The following CEP104 variants were observed in gnomAD, a reference collection of about 807,000 sequenced individuals.
The protein encoded by CEP104 is centrosomal protein 104, also known as centrosomal protein of 104 kDa.
CEP104 carries 84 observed loss-of-function variants against 113.3 expected under a neutral mutation model. The observed-to-expected ratio is 0.74, with a 90% CI of 0.62 to 0.89. The LOEUF is 0.89. Ranked by LOEUF, CEP104 falls within the 40% of genes least tolerant of loss-of-function variation. The probability of loss-of-function intolerance (pLI) is 0.00; values close to 1 mark genes in which losing one functional copy is unlikely to be tolerated. For missense variants in CEP104, 1,053 were observed against 1,156.6 expected, an observed-to-expected ratio of 0.91 and a Z score of 1.30; for synonymous variants, 378 against 421.7, an observed-to-expected ratio of 0.90 and a Z score of 1.27.
Position 3,847,475 on chromosome 1 carries a change from C to T in CEP104, c.426G>A (p.Gln142=). Residue 142 remains glutamine (Q), a splice_region_variant and synonymous_variant, in exon 4 of 22, where the codon CAG becomes CAA. Coordinates refer to ENST00000378230, the MANE Select transcript of CEP104 (RefSeq NM_014704.4). ...AAAGGCGAAGCTGCATGCATCTTAC[C>T]TGATTATATATGTTGTATTTGTTGA... ...NHVNKYNIYN[Q]VALVAINIIG... is the part of the protein sequence containing the mutation. 1.3e-6 allele frequency: 2 copies of T among 1,593,010 alleles called. No individual in the cohort carries two copies. The highest frequency in any genetic ancestry group is 1.7e-6 in the Non-Finnish European group (2 of 1,170,546).
chr1:3,831,407 T>C (rs963587407), intron 12 of CEP104, among the ~76,000 whole-genome samples, 185 bp from the exon 13 acceptor site: 9 of 152,192 alleles, frequency 5.9e-5, no homozygotes, highest in Admixed American at 1.3e-4. Flanking sequence ...TAACAACCAT[T>C]AGAAATGAAA....
chr1:3,845,016 G>A, intron 5 of CEP104, 33 bp from the exon 6 acceptor site: 1 of 1,545,418 alleles, frequency 6.5e-7, no homozygotes, highest in Non-Finnish European at 9.0e-7. Context: ...TAGTGTCTCA[G>A]AGAGAAAGAG....
chr1:3,845,880 G>C (rs548222020), intron 4 of CEP104, among the ~76,000 whole-genome samples: 65 of 152,172 alleles, frequency 4.3e-4, no homozygotes, highest in African/African-American at 1.6e-3. Context: ...CTGAAGTCGG[G>C]AGTTTGAGAC....
chr1:3,824,383 C>T (rs1644043123), intron 18 of CEP104, among the ~76,000 whole-genome samples: 1 of 152,304 alleles, frequency 6.6e-6, no homozygotes, highest in African/African-American at 2.4e-5. Context: ...ACCTGCCCAG[C>T]CAGGTATTTC....
intron 2 of CEP104, among the ~76,000 whole-genome samples, chr1:3,849,353 C>T (rs1644569394): frequency 6.6e-6 from 1 of 151,508 alleles, no homozygotes; most frequent in Non-Finnish European, 1.5e-5. Flanking sequence ...TCTTTGATCT[C>T]CTGGGCTCAA....
At position 3,815,080 on chromosome 1, in the gene CEP104, G is replaced by A. The variant is rs1026775846; in HGVS notation, c.*322C>T. 5.7e-5 allele frequency: 14 copies of A among 246,484 alleles called. No individual in the cohort carries two copies. Among genetic ancestry groups the A allele is most frequent in the East Asian group, 3.5e-4 (4 of 11,382 alleles). The allele number at this position is 246,484 out of a possible 1,614,324, so 15.3% of individuals were successfully genotyped here. On this transcript the variant is annotated 3_prime_UTR_variant, in exon 22 of 22. Transcript: ENST00000378230. ...GCCTGTGCTGACCGTGGCCTTGCGC[G>A]AGCGCCTCCCGGCGGTGCTCTCTGG...
intron 2 of CEP104, among the ~76,000 whole-genome samples, 186 bp downstream of exon 2, chr1:3,852,109 G>A (rs1644622259): frequency 6.6e-6 from 1 of 152,218 alleles, no homozygotes; most frequent in Non-Finnish European, 1.5e-5. Flanking sequence ...ATAAGGGAAA[G>A]AGGGTCAACA....
intron 6 of CEP104, among the ~76,000 whole-genome samples, 176 bp from the exon 7 acceptor site, chr1:3,839,952 T>C (rs978537760): frequency 6.6e-6 from 1 of 152,138 alleles, no homozygotes; most frequent in Non-Finnish European, 1.5e-5. Flanking sequence ...ACAAAGCTCT[T>C]AATTGCAAGC....
In CEP104 at chr1:3,816,381, G is replaced by A. The variant is rs1643881021; in HGVS notation, c.2572-11C>T. The A allele has an allele frequency of 3.2e-6, 5 of 1,548,268 alleles. No individual in the cohort carries two copies. Among genetic ancestry groups the A allele is most frequent in the South Asian group, 1.2e-5 (1 of 83,884 alleles). ...GTGAGCTTTCCATGCCTGCAGCAGA[G>A]GAGGCACACAGAGTGTTAATCAGGC... On this transcript the variant is annotated splice_polypyrimidine_tract_variant and intron_variant, in intron 20 of 21. Transcript: ENST00000378230.
rs1198279590 is a variant in CEP104, at chr1:3,813,680, C to T, written c.*1722G>A. On this transcript the variant is annotated 3_prime_UTR_variant, in exon 22 of 22. Coordinates refer to ENST00000378230, the MANE Select transcript of CEP104 (RefSeq NM_014704.4). ...CCTGGCCAACATGGTGAAACCCCAT[C>T]TCTACTAAAAATAGAAAAAATTAGC... is the stretch of plus-strand genomic sequence containing the variant. 6.6e-6 allele frequency: 1 copy of T among 151,838 alleles called. No individual in the cohort carries two copies. The highest frequency in any genetic ancestry group is 1.5e-5 in the Non-Finnish European group (1 of 68,014). The allele number at this position is 151,838 out of a possible 1,614,324, so 9.4% of individuals were successfully genotyped here.
At position 3,834,036 on chromosome 1, in the gene CEP104, C is replaced by T; in HGVS notation, c.1486-1G>A. ...ACAATTTCAAAGAAGCCTGAAAAAC[C>T]TAAGAGAAAAGTGATGAACACGGAT... is the stretch of plus-strand genomic sequence containing the variant. On this transcript the variant is annotated splice_acceptor_variant, in intron 11 of 21. Coordinates refer to ENST00000378230, the MANE Select transcript of CEP104 (RefSeq NM_014704.4). LOFTEE classifies it high-confidence loss of function. The T allele has an allele frequency of 6.2e-7, 1 of 1,611,870 alleles. No homozygotes were observed. Among genetic ancestry groups the T allele is most frequent in the Non-Finnish European group, 8.5e-7 (1 of 1,178,210 alleles).
chr1:3,845,784 T>C (rs1644495415), intron 4 of CEP104, among the ~76,000 whole-genome samples: 2 of 152,334 alleles, frequency 1.3e-5, no homozygotes, highest in South Asian at 4.1e-4. Flanking sequence ...GCTAACCAAA[T>C]GGTTATTTTT....
At position 3,816,432 on chromosome 1, in the gene CEP104, G is replaced by A; in HGVS notation, c.2572-62C>T. The A allele has an allele frequency of 2.3e-6, 3 of 1,322,956 alleles. No homozygotes were observed. In the South Asian group the frequency reaches 4.1e-5, roughly 18 times the overall value. The allele number at this position is 1,322,956 out of a possible 1,614,324, so 82.0% of individuals were successfully genotyped here. A position where few individuals can be genotyped will look rare whatever the true frequency, so the allele number is the denominator to read the frequency against. On this transcript the variant is annotated intron_variant, in intron 20 of 21. Coordinates refer to ENST00000378230, the MANE Select transcript of CEP104 (RefSeq NM_014704.4). ...GAGACGGACCTGGCACGCTACCTGAGACCCAAAAGGACTCGCTGTGTAAGC... is the reference window on the plus strand; with the variant it reads ...GAGACGGACCTGGCACGCTACCTGAAACCCAAAAGGACTCGCTGTGTAAGC...
intron 15 of CEP104, among the ~76,000 whole-genome samples, chr1:3,827,416 C>T (rs920774751): frequency 5.3e-5 from 8 of 151,996 alleles, no homozygotes; most frequent in African/African-American, 1.9e-4. Context: ...GATGAGGTCT[C>T]ACTATGTTGC....
intron 2 of CEP104, among the ~76,000 whole-genome samples, chr1:3,850,595 G>T (rs1171761010): frequency 2.0e-5 from 3 of 152,122 alleles, no homozygotes; most frequent in African/African-American, 7.2e-5. Context: ...CGACGTAGAG[G>T]GTCCCACATT....
Position 3,848,860 on chromosome 1 carries a change from G to GT in CEP104, c.114-80dup, listed in dbSNP as rs144847714. The GT allele has an allele frequency of 0.025, 30,685 of 1,220,000 alleles. 530 individuals carry two copies. The highest frequency in any genetic ancestry group is 0.031 in the Non-Finnish European group (26,782 of 863,508). The allele number at this position is 1,220,000 out of a possible 1,614,324, so 75.6% of individuals were successfully genotyped here. A position where few individuals can be genotyped will look rare whatever the true frequency, so the allele number is the denominator to read the frequency against. On this transcript the variant is annotated intron_variant, in intron 2 of 21. Coordinates refer to ENST00000378230, the MANE Select transcript of CEP104 (RefSeq NM_014704.4). The stretch of plus-strand genomic sequence containing the variant: ...AGATGCTAGCATCTCATTCTTGCAG[G>GT]TAAGAAGCATTAACCACACACCCAC...
chr1:3,845,593 G>C (rs1644492399), intron 4 of CEP104, among the ~76,000 whole-genome samples: 1 of 152,010 alleles, frequency 6.6e-6, no homozygotes, highest in Non-Finnish European at 1.5e-5. Flanking sequence ...TTTTTGCAGA[G>C]ATAGGATTTC....
At chr1:3,834,077 A>C in intron 11 of CEP104, 42 bp from the exon 12 acceptor site, 4 of 1,476,756 alleles carry the variant, frequency 2.7e-6, no homozygotes, top group Non-Finnish European at 3.8e-6. Context: ...ACTACGGTGC[A>C]ATTCCACCAA....
chr1:3,832,394 GTGACCAGGAGTGTAGCGTAGGTCC>G (rs879505838), intron 12 of CEP104, among the ~76,000 whole-genome samples: 24,995 of 105,502 alleles, frequency 0.24, 5,948 homozygotes, highest in Non-Finnish European at 0.29. Context: ...AGCGTAGGTC[GTGACCAGGAGTGTAGCGTAGGTCC>G]TGACCAGGAG....
Sources: allele counts gnomAD v4.1 joint callset (sites outside exome capture counted in the v4.1 genomes callset), GRCh38; gene constraint gnomAD v4.1.1; transcripts MANE v1.5; gene names NCBI Gene and HGNC (gene_info 2026-07-23, HGNC 2026-07-21).